Variants in ZNF532 observed in about 807,000 individuals in gnomAD.
ZNF532 encodes the protein zinc finger protein 532.
Under a neutral mutation model 89.3 loss-of-function variants are expected in ZNF532, and 22 were observed. The observed-to-expected ratio is 0.25, with a 90% confidence interval of 0.18 to 0.35. ZNF532 has a LOEUF of 0.35. Ranked by LOEUF, ZNF532 falls within the 10% of genes least tolerant of loss-of-function variation. The pLI is 1.00. For synonymous variants in ZNF532, 606 were observed against 649.6 expected, an observed-to-expected ratio of 0.93 and a Z score of 1.02; for missense variants, 1,132 against 1,643.4, an observed-to-expected ratio of 0.69 and a Z score of 5.38.
rs369312441 is a variant in ZNF532 at position 58,918,968 on chromosome 18, G to A, written c.681G>A (p.Leu227=). 357 of 1,613,592 alleles carry A rather than the reference G, an allele frequency of 2.2e-4. No homozygotes were observed. Among genetic ancestry groups the A allele is most frequent in the Middle Eastern group, 3.3e-4 (2 of 6,062 alleles). The part of the protein sequence containing the change: ...PFKVRKAEDK[L]KESSDKVLEN... ...AAGTCAGAAAAGCAGAGGATAAATT[G>A]AAGGAAAGCTCTGACAAGGTGCTGG... is the stretch of plus-strand genomic sequence containing the variant. Residue 227 remains leucine, a synonymous_variant, in exon 3 of 10, where the codon TTG becomes TTA. Coordinates refer to ENST00000591808, the MANE Select transcript of ZNF532 (RefSeq NM_001375912.1).
At chr18:58,983,945 G>A (rs369238609) in intron 9 of ZNF532, 27 bp from the exon 10 acceptor site, 43 of 1,584,530 alleles carry the variant, frequency 2.7e-5, no homozygotes, top group Non-Finnish European at 3.4e-5. Flanking sequence ...GTTTTCAGTC[G>A]TGTCATTTGC....
At chr18:58,901,450 C>T (rs559475085) in intron 2 of ZNF532, among the ~76,000 whole-genome samples, 4 of 152,128 alleles carry the variant, frequency 2.6e-5, no homozygotes, top group Non-Finnish European at 5.9e-5. Flanking sequence ...GCTGAGTCCA[C>T]GCCCCTCCGA....
chr18:58,928,948 T>A (rs1036843117), intron 3 of ZNF532, among the ~76,000 whole-genome samples: 1 of 152,224 alleles, frequency 6.6e-6, no homozygotes, highest in Admixed American at 6.5e-5. Flanking sequence ...ATGTCTAAAT[T>A]TAACCAACTA....
chr18:58,982,557 G>A (rs1445804606), intron 9 of ZNF532, among the ~76,000 whole-genome samples: 1 of 152,096 alleles, frequency 6.6e-6, no homozygotes, highest in Non-Finnish European at 1.5e-5. Flanking sequence ...GGGAAGCAGA[G>A]GTTGCAGTGT....
chr18:58,885,625 A>C (rs1043173234), intron 2 of ZNF532, among the ~76,000 whole-genome samples: 2 of 151,988 alleles, frequency 1.3e-5, no homozygotes, highest in Non-Finnish European at 2.9e-5. Context: ...GAGGCCGAGG[A>C]GGGTGAATTA....
At chr18:58,905,404 T>TG (rs1222210493) in intron 2 of ZNF532, among the ~76,000 whole-genome samples, 1 of 44,848 alleles carries the variant, frequency 2.2e-5, no homozygotes, top group East Asian at 1.6e-3. Context: ...TTTTTCTTTC[T>TG]TTTTTTTTTT....
intron 5 of ZNF532, among the ~76,000 whole-genome samples, chr18:58,942,358 CCTTCCTTCCTT>C (rs2063250473): frequency 2.5e-5 from 2 of 78,946 alleles, no homozygotes; most frequent in African/African-American, 1.4e-4. Context: ...TCCCTTCCTT[CCTTCCTTCCTT>C]CCTTCCTTCC....
chr18:58,881,548 G>A (rs2057928188), intron 2 of ZNF532, among the ~76,000 whole-genome samples: 2 of 152,330 alleles, frequency 1.3e-5, no homozygotes, highest in Admixed American at 6.5e-5. Flanking sequence ...CATCTGTCTT[G>A]TTATCACCTA....
intron 5 of ZNF532, among the ~76,000 whole-genome samples, chr18:58,944,991 A>G (rs2063527985): frequency 6.6e-6 from 1 of 152,178 alleles, no homozygotes; most frequent in African/African-American, 2.4e-5. Flanking sequence ...GCAGCCCCCC[A>G]GTCAGGAAGT....
At chr18:58,880,320 G>T (rs552787719) in intron 2 of ZNF532, among the ~76,000 whole-genome samples, 1 of 152,186 alleles carries the variant, frequency 6.6e-6, no homozygotes, top group African/African-American at 2.4e-5. Context: ...GATCTAAGTC[G>T]TTAGGCCTCA....
At chr18:58,881,583 A>G (rs1326088918) in intron 2 of ZNF532, among the ~76,000 whole-genome samples, 4 of 152,024 alleles carry the variant, frequency 2.6e-5, no homozygotes, top group African/African-American at 9.7e-5. Flanking sequence ...CTTGGTTAGA[A>G]TTTTGTAACT....
chr18:58,881,479 G>T (rs1333088902), intron 2 of ZNF532, among the ~76,000 whole-genome samples: 2 of 152,192 alleles, frequency 1.3e-5, no homozygotes, highest in Non-Finnish European at 2.9e-5. Context: ...TCTGCAAGGG[G>T]CACGCAAGTT....
chr18:58,898,609 A>G (rs2059397643), intron 2 of ZNF532, among the ~76,000 whole-genome samples: 1 of 152,170 alleles, frequency 6.6e-6, no homozygotes, highest in African/African-American at 2.4e-5. Flanking sequence ...CCCAGCGTGA[A>G]TGCCGCGCTA....
intron 5 of ZNF532, among the ~76,000 whole-genome samples, chr18:58,940,923 T>TACACACGC (rs1555738642): frequency 1.7e-5 from 2 of 118,594 alleles, no homozygotes; most frequent in South Asian, 6.3e-4. Context: ...TGCCATATTT[T>TACACACGC]ACACACACAC....
At chr18:58,939,664 A>G (rs1355006044) in intron 5 of ZNF532, 43 bp downstream of exon 5, 1 of 1,569,890 alleles carries the variant, frequency 6.4e-7, no homozygotes, top group Non-Finnish European at 8.7e-7. Flanking sequence ...CTGCTTTATT[A>G]GCAATTTAGA....
In ZNF532 at chr18:58,919,008, G is replaced by C; in HGVS notation, c.721G>C (p.Asp241His). The change falls in exon 3 of 10, where the codon GAT becomes CAT. Residue 241 changes from aspartate to histidine, a missense_variant. This residue lies in a region of ZNF532 where 302 missense variants were observed against 319.8 expected (regional missense o/e 0.94). Transcript: ENST00000591808. This position sits in a 1 kb window ranked among gnomAD's most constrained non-coding sequence, Gnocchi z 6.1. ...SDKVLENRVL[D>H]GKLSSEKNDT... ...CAAGGTGCTGGAAAACAGAGTCCTAGATGGGAAGCTGAGCTCCGAGAAGAA... is the reference window on the plus strand; with the variant it reads ...CAAGGTGCTGGAAAACAGAGTCCTACATGGGAAGCTGAGCTCCGAGAAGAA... 6.2e-7 allele frequency: 1 copy of C among 1,613,542 alleles called. No homozygotes were observed. Among genetic ancestry groups the C allele is most frequent in the Non-Finnish European group, 8.5e-7 (1 of 1,180,028 alleles).
chr18:58,878,903 A>C (rs2057657497), intron 2 of ZNF532, among the ~76,000 whole-genome samples: 1 of 152,182 alleles, frequency 6.6e-6, no homozygotes. Flanking sequence ...CTTCCCCCTT[A>C]GTAGAACTTC....
In ZNF532 at chr18:58,945,079, T is replaced by C. The variant is rs2063537398; in HGVS notation, c.2706-2988T>C. On this transcript the variant is annotated intron_variant, in intron 5 of 9. Coordinates refer to ENST00000591808, the MANE Select transcript of ZNF532 (RefSeq NM_001375912.1). ...AGTTGTTATGCGTGTCTTTCTCCTC[T>C]CTGGTCCGAGATCTTATCTGGGTGT... Among the ~76,000 whole-genome samples the C allele has an allele frequency of 1.3e-5, 2 of 152,252 alleles. 1 individual carries two copies. The highest frequency in any genetic ancestry group is 4.1e-4 in the South Asian group (2 of 4,832).
At chr18:58,962,062 C>A (rs2065399043) in intron 7 of ZNF532, among the ~76,000 whole-genome samples, 1 of 151,998 alleles carries the variant, frequency 6.6e-6, no homozygotes, top group African/African-American at 2.4e-5. Flanking sequence ...CCCACCTCTA[C>A]CAAAAATACA....
Sources: gnomAD v4.1 joint callset for allele counts (sites outside exome capture counted in the v4.1 genomes callset) on GRCh38, gnomAD v4.1.1 for gene constraint, gnomAD v4.1.1 regional missense constraint, Gnocchi (gnomAD v3.1) non-coding constraint, MANE v1.5 for transcripts, NCBI Gene and HGNC (gene_info 2026-07-23, HGNC 2026-07-21) for gene names.